Variants in CUBN observed in about 807,000 individuals in gnomAD.
The protein encoded by CUBN is 460 kDa receptor.
Under a neutral mutation model 405.3 loss-of-function variants are expected in CUBN, and 282 were observed. The ratio of observed to expected loss-of-function variants is 0.70; its 90% CI spans 0.63 to 0.77. The LOEUF (loss-of-function observed/expected upper bound fraction) is 0.77. Ranked by LOEUF, CUBN falls within the 30% of genes least tolerant of loss-of-function variation. The pLI, the probability that CUBN is intolerant of heterozygous loss-of-function variation, is 0.00. For missense variants in CUBN, 4,514 were observed against 4,475.2 expected, an observed-to-expected ratio of 1.01 and a Z score of -0.25; for synonymous variants, 1,684 against 1,617.0, an observed-to-expected ratio of 1.04 and a Z score of -0.99.
chr10:16,851,060 T>C (rs1272979341), intron 60 of CUBN, among the ~76,000 whole-genome samples, 175 bp downstream of exon 60: 1 of 152,214 alleles, frequency 6.6e-6, no homozygotes. Flanking sequence ...TAATTTGATA[T>C]GAAGATAGAG....
At chr10:17,000,979 G>A (rs1202755157) in intron 28 of CUBN, among the ~76,000 whole-genome samples, 2 of 152,176 alleles carry the variant, frequency 1.3e-5, no homozygotes, top group African/African-American at 2.4e-5. Flanking sequence ...AAGATGGTGT[G>A]TCCGGAGTTT....
At chr10:17,047,372 A>G in intron 23 of CUBN, 42 bp downstream of exon 23, 1 of 1,439,532 alleles carries the variant, frequency 6.9e-7, no homozygotes, top group Non-Finnish European at 9.7e-7. Context: ...TAATGAGAAT[A>G]AATAATGAAA....
intron 28 of CUBN, among the ~76,000 whole-genome samples, chr10:16,999,068 T>C (rs1056699163): frequency 2.0e-5 from 3 of 152,242 alleles, no homozygotes; most frequent in African/African-American, 7.2e-5. Context: ...AAAGAATAAG[T>C]TATTGCATGA....
At chr10:17,080,395 A>G (rs1835941667) in intron 17 of CUBN, among the ~76,000 whole-genome samples, 1 of 152,228 alleles carries the variant, frequency 6.6e-6, no homozygotes, top group Non-Finnish European at 1.5e-5. Flanking sequence ...GATTTCAGAA[A>G]TAAAATTCAA....
intron 31 of CUBN, among the ~76,000 whole-genome samples, chr10:16,956,037 G>A (rs757512960): frequency 3.9e-5 from 6 of 152,072 alleles, no homozygotes; most frequent in East Asian, 3.8e-4. Context: ...TAGAAAGTTC[G>A]GAGATTCAAT....
At chr10:16,938,633 T>A (rs1323257303) in intron 38 of CUBN, among the ~76,000 whole-genome samples, 5 of 152,114 alleles carry the variant, frequency 3.3e-5, no homozygotes, top group Admixed American at 2.0e-4. Flanking sequence ...ATCATTAAAA[T>A]TTTTAATACT....
At position 16,857,854 on chromosome 10, in the gene CUBN, C is replaced by A. The variant is rs374023003; in HGVS notation, c.9455-6411G>T. ...AAGCAAGAAAAAATATATAGAGAGA[C>A]TGGAAAGGAAGAAATAAAATTTCCA... On this transcript the variant is annotated intron_variant, in intron 59 of 66. Coordinates refer to ENST00000377833, the MANE Select transcript of CUBN (RefSeq NM_001081.4). 8.5e-5 allele frequency among the ~76,000 whole-genome samples: 13 copies of A among 152,198 alleles called. No individual in the cohort carries two copies. The East Asian group carries it at 2.5e-3, about 29-fold the overall frequency.
chr10:17,042,578 G>A (rs1488131628), intron 26 of CUBN, among the ~76,000 whole-genome samples: 2 of 152,060 alleles, frequency 1.3e-5, no homozygotes, highest in Non-Finnish European at 2.9e-5. Flanking sequence ...ATTATAACCA[G>A]AAATAGATTA....
intron 62 of CUBN, 136 bp downstream of exon 62, chr10:16,840,194 G>A: frequency 1.4e-6 from 1 of 729,282 alleles, no homozygotes; most frequent in Non-Finnish European, 2.4e-6. Context: ...TGCACATTGT[G>A]CGCATGTACC....
At position 16,913,838 on chromosome 10, in the gene CUBN, A is replaced by G. The variant is rs1841802544; in HGVS notation, c.7506T>C (p.His2502=). The G allele has an allele frequency of 4.3e-6, 7 of 1,613,932 alleles. No homozygotes were observed. Among genetic ancestry groups the G allele is most frequent in the East Asian group, 2.2e-5 (1 of 44,878 alleles). The part of the protein sequence containing the change: ...LMFNNLRLAT[H]PSCNNEHVIV... ...TCACATGCTCATTGTTGCAGGACGG[A>G]TGCGTGGCCAGCCTCAGGTTGTTAA... is the stretch of plus-strand genomic sequence containing the variant. Residue 2502 remains histidine (H), a synonymous_variant, in exon 48 of 67, where the codon CAT becomes CAC. Coordinates refer to ENST00000377833, the MANE Select transcript of CUBN (RefSeq NM_001081.4).
At chr10:17,038,478 C>T (rs989149312) in intron 27 of CUBN, among the ~76,000 whole-genome samples, 3 of 152,180 alleles carry the variant, frequency 2.0e-5, no homozygotes, top group African/African-American at 7.2e-5. Context: ...CATTTGGTTT[C>T]CAATGGGATC....
intron 55 of CUBN, 27 bp downstream of exon 55, chr10:16,890,344 C>T: frequency 6.2e-7 from 1 of 1,611,976 alleles, no homozygotes; most frequent in Non-Finnish European, 8.5e-7. Flanking sequence ...GCAAAGACCT[C>T]TGGGTTTGGT....
chr10:16,874,481 G>A lies in CUBN; in HGVS notation c.9129C>T (p.Phe3043=), dbSNP rs770481888. The A allele has an allele frequency of 4.3e-6, 7 of 1,614,000 alleles. No individual in the cohort carries two copies. The highest frequency in any genetic ancestry group is 2.2e-5 in the East Asian group (1 of 44,890). ...CAGGACTTGTGATGATTCCAGAAGAGAAATTGAACACACCACCACAGGCTG... is the reference window on the plus strand; with the variant it reads ...CAGGACTTGTGATGATTCCAGAAGAAAAATTGAACACACCACCACAGGCTG... ...RIISCGGVFN[F]SSGIITSPAY... The change falls in exon 58 of 67, where the codon TTC becomes TTT. Residue 3043 remains phenylalanine (F), a synonymous_variant. Coordinates refer to ENST00000377833, the MANE Select transcript of CUBN (RefSeq NM_001081.4).
intron 7 of CUBN, among the ~76,000 whole-genome samples, chr10:17,114,776 A>G (rs544561301): frequency 2.6e-5 from 4 of 152,310 alleles, no homozygotes; most frequent in African/African-American, 7.2e-5. Context: ...GTGGGCTCTT[A>G]GAGTCTGCAG....
At chr10:17,023,372 C>T (rs1462152847) in intron 27 of CUBN, among the ~76,000 whole-genome samples, 3 of 137,748 alleles carry the variant, frequency 2.2e-5, no homozygotes, top group Admixed American at 1.5e-4. Context: ...AACAATGTCT[C>T]GAAAAGGAAA....
chr10:17,032,213 G>A (rs750070743), intron 27 of CUBN, among the ~76,000 whole-genome samples: 1 of 152,220 alleles, frequency 6.6e-6, no homozygotes, highest in Non-Finnish European at 1.5e-5. Flanking sequence ...CCAGGCAGGA[G>A]CTGGGCTCTC....
intron 31 of CUBN, among the ~76,000 whole-genome samples, chr10:16,965,402 C>A (rs1005041287): frequency 6.6e-6 from 1 of 152,118 alleles, no homozygotes; most frequent in Non-Finnish European, 1.5e-5. Flanking sequence ...ACGTGATTGA[C>A]GTGGACGTGA....
intron 27 of CUBN, among the ~76,000 whole-genome samples, chr10:17,038,965 G>T (rs1834958086): frequency 6.6e-6 from 1 of 152,170 alleles, no homozygotes; most frequent in Admixed American, 6.5e-5. Flanking sequence ...CTCTGCAGTT[G>T]CTGGAACAAG....
intron 13 of CUBN, among the ~76,000 whole-genome samples, chr10:17,102,616 T>A (rs1253680102): frequency 5.6e-5 from 8 of 142,366 alleles, no homozygotes; most frequent in Admixed American, 1.4e-4. Flanking sequence ...TTTTTTTTTT[T>A]TTTTTTGTGA....
Sources: gnomAD v4.1 joint callset for allele counts (sites outside exome capture counted in the v4.1 genomes callset) on GRCh38, gnomAD v4.1.1 for gene constraint, MANE v1.5 for transcripts, NCBI Gene and HGNC (gene_info 2026-07-23, HGNC 2026-07-21) for gene names.